NPIPB7: variants seen among roughly 807,000 people sequenced by gnomAD.
The protein encoded by NPIPB7 is nuclear pore complex-interacting protein family member B7.
For missense variants in NPIPB7, 14 were observed against 238.5 expected, an observed-to-expected ratio of 0.06 and a Z score of 6.20; for synonymous variants, 9 against 88.1, an observed-to-expected ratio of 0.10 and a Z score of 5.03.
intron 1 of NPIPB7, among the ~76,000 whole-genome samples, chr16:28,469,205 C>T (rs1174317787): frequency 4.6e-4 from 54 of 118,184 alleles, no homozygotes; most frequent in Middle Eastern, 4.1e-3. Context: ...TGGCATGGCA[C>T]GCATCTGTAT....
At chr16:28,463,389 TCACACACACACACACA>T (rs57853696) in intron 2 of NPIPB7, among the ~76,000 whole-genome samples, 3 of 45,832 alleles carry the variant, frequency 6.5e-5, no homozygotes, top group Non-Finnish European at 1.3e-4. Context: ...AGACTCTGTC[TCACACACACACACACA>T]CACACACACA....
upstream of NPIPB7, among the ~76,000 whole-genome samples, chr16:28,472,027 C>T (rs1596615800): frequency 1.3e-5 from 2 of 151,534 alleles, no homozygotes; most frequent in Admixed American, 6.6e-5. Flanking sequence ...GAGACTCCGT[C>T]TCCAAAAAAA....
chr16:28,469,989 G>T (rs1380996993), intron 1 of NPIPB7, among the ~76,000 whole-genome samples: 2 of 146,988 alleles, frequency 1.4e-5, no homozygotes, highest in African/African-American at 2.6e-5. Context: ...AAAAAAAAAA[G>T]TCATCAAACC....
chr16:28,467,393 A>G (rs1437555463), intron 1 of NPIPB7, among the ~76,000 whole-genome samples: 2 of 43,866 alleles, frequency 4.6e-5, no homozygotes, highest in East Asian at 9.3e-4. Context: ...CGAGTAGCTG[A>G]GATTACAGGT....
intron 4 of NPIPB7, among the ~76,000 whole-genome samples, chr16:28,462,139 G>C (rs371182): frequency 5.3e-5 from 8 of 149,744 alleles, no homozygotes; most frequent in East Asian, 2.0e-4. Flanking sequence ...AAAAAAAAAG[G>C]CTGGGTGTGG....
intron 4 of NPIPB7, among the ~76,000 whole-genome samples, chr16:28,462,428 A>AG (rs1188856582): frequency 2.0e-5 from 3 of 148,962 alleles, no homozygotes; most frequent in Non-Finnish European, 3.0e-5. Context: ...AAAAAAAAAA[A>AG]AGAGAGAAAG....
At chr16:28,470,607 G>T (rs2045941654), upstream of NPIPB7, 31 of 56,970 alleles carry the variant, frequency 5.4e-4, no homozygotes, top group Admixed American at 1.6e-3. Context: ...AGGGGAAGGG[G>T]AAGGGGAGGG....
intron 4 of NPIPB7, 21 bp downstream of exon 4, chr16:28,462,649 GTATT>G (rs2045879225): frequency 4.4e-6 from 1 of 225,226 alleles, no homozygotes. Flanking sequence ...TCATACAACA[GTATT>G]TGTGTCAAGG....
At chr16:28,472,036 A>T (rs1596615814), upstream of NPIPB7, among the ~76,000 whole-genome samples, 1 of 152,238 alleles carries the variant, frequency 6.6e-6, no homozygotes, top group African/African-American at 2.4e-5. Context: ...TCTCCAAAAA[A>T]AAAAAGTTGG....
In NPIPB7 at chr16:28,463,774, C is replaced by A. The variant is rs372613151; in HGVS notation, c.250-693G>T. On this transcript the variant is annotated intron_variant, in intron 2 of 6. Coordinates refer to ENST00000452313, the Ensembl canonical transcript of NPIPB7. The stretch of plus-strand genomic sequence containing the variant: ...AAAATAGCCCAGGTGCGGTAGCTCA[C>A]GCCTGTAATCCCAGCACTTTGGGAG... Among the ~76,000 whole-genome samples the A allele has an allele frequency of 2.1e-3, 272 of 132,482 alleles. No homozygotes were observed. In the East Asian group the frequency reaches 0.048, roughly 23 times the overall value. The allele number at this position is 132,482 out of a possible 152,430, so 86.9% of individuals were successfully genotyped here. A position where few individuals can be genotyped will look rare whatever the true frequency, so the allele number is the denominator to read the frequency against.
chr16:28,463,791 C>G (rs1217049990), intron 2 of NPIPB7, among the ~76,000 whole-genome samples: 9 of 132,686 alleles, frequency 6.8e-5, no homozygotes, highest in African/African-American at 2.1e-4. Context: ...AATCCCAGCA[C>G]TTTGGGAGGC....
intron 2 of NPIPB7, among the ~76,000 whole-genome samples, chr16:28,465,561 C>G (rs2141681893): frequency 7.0e-6 from 1 of 143,060 alleles, no homozygotes; most frequent in African/African-American, 2.5e-5. Flanking sequence ...GACTAAGTGG[C>G]ATAGAGAATG....
exon 1 of NPIPB7, chr16:28,470,520 G>A (rs1490292689): frequency 1.1e-5 from 10 of 890,960 alleles, no homozygotes; most frequent in Non-Finnish European, 1.6e-5. Flanking sequence ...AAGGGGACGG[G>A]GACCGGGGCC....
intron 2 of NPIPB7, among the ~76,000 whole-genome samples, chr16:28,465,466 C>A (rs1596612400): frequency 2.7e-5 from 3 of 109,160 alleles, no homozygotes; most frequent in Non-Finnish European, 3.7e-5. Context: ...GCCTGGGCAA[C>A]AGAGGGAGAC....
At chr16:28,470,521 G>A in exon 1 of NPIPB7, 1 of 696,818 alleles carries the variant, frequency 1.4e-6, no homozygotes, top group Admixed American at 2.7e-5. Flanking sequence ...AGGGGACGGG[G>A]ACCGGGGCCG....
rs1437397911 is a variant in NPIPB7, at chr16:28,470,406, GA to G, written c.32del (p.Leu11ProfsTer29). On this transcript the variant is annotated frameshift_variant, in exon 1 of 7. Transcript: ENST00000452313. LOFTEE classifies it high-confidence loss of function. Reference sequence around the variant, plus strand: ...GCTGATGGCTGATAAATCCCAGCAGGAGCCAAATGAGGAGCCAAAAGCGCAG... The same window carrying G: ...GCTGATGGCTGATAAATCCCAGCAGGGCCAAATGAGGAGCCAAAAGCGCAG... The G allele has an allele frequency of 6.3e-7, 1 of 1,583,290 alleles. No homozygotes were observed. The highest frequency in any genetic ancestry group is 1.5e-5 in the African/African-American group (1 of 68,326).
upstream of NPIPB7, among the ~76,000 whole-genome samples, chr16:28,470,734 G>A (rs1375695302): frequency 2.0e-5 from 3 of 150,944 alleles, no homozygotes; most frequent in Non-Finnish European, 4.5e-5. Context: ...AGAAGAAAGG[G>A]GTCTGGGAAA....
chr16:28,465,447 T>C (rs2045900656), intron 2 of NPIPB7, among the ~76,000 whole-genome samples: 1 of 113,492 alleles, frequency 8.8e-6, no homozygotes, highest in South Asian at 3.1e-4. Flanking sequence ...ATCACACCAT[T>C]ATACTCCAGC....
chr16:28,471,681 A>C (rs1158938842), upstream of NPIPB7, among the ~76,000 whole-genome samples: 1 of 132,162 alleles, frequency 7.6e-6, no homozygotes, highest in Admixed American at 8.3e-5. Flanking sequence ...CTGGCCTGGG[A>C]ATTCCTCTTT....
Sources: gnomAD v4.1 joint callset for allele counts (sites outside exome capture counted in the v4.1 genomes callset) on GRCh38, gnomAD v4.1.1 for gene constraint, MANE v1.5 for transcripts, NCBI Gene and HGNC (gene_info 2026-07-23, HGNC 2026-07-21) for gene names.